ASB4: variants seen among roughly 807,000 people sequenced by gnomAD.
ASB4 encodes ankyrin repeat and SOCS box protein 4.
Under a neutral mutation model 38.6 loss-of-function variants are expected in ASB4, and 35 were observed. The ratio of observed to expected loss-of-function variants is 0.91; its 90% CI spans 0.69 to 1.20. ASB4 has a LOEUF of 1.20. Among genes scored for constraint, ASB4 ranks in the 50% most tolerant of loss-of-function variants. ASB4 has a pLI of 0.00. For synonymous variants in ASB4, 195 were observed against 201.3 expected, an observed-to-expected ratio of 0.97 and a Z score of 0.26; for missense variants, 557 against 527.2, an observed-to-expected ratio of 1.06 and a Z score of -0.55.
At chr7:95,519,227 A>G (rs1332251533) in intron 2 of ASB4, among the ~76,000 whole-genome samples, 1 of 152,242 alleles carries the variant, frequency 6.6e-6, no homozygotes, top group East Asian at 1.9e-4. Flanking sequence ...CTTTGGCGAC[A>G]GTTCATGACA....
At chr7:95,511,177 A>G (rs1445476945) in intron 2 of ASB4, among the ~76,000 whole-genome samples, 1 of 152,202 alleles carries the variant, frequency 6.6e-6, no homozygotes, top group Non-Finnish European at 1.5e-5. Flanking sequence ...TTTACTAATT[A>G]GAAAGCTAAT....
intron 3 of ASB4, among the ~76,000 whole-genome samples, chr7:95,533,255 C>T (rs1790843284): frequency 6.6e-6 from 1 of 152,132 alleles, no homozygotes; most frequent in African/African-American, 2.4e-5. Flanking sequence ...CCTAACTAAA[C>T]ATATGTAATC....
upstream of ASB4, chr7:95,485,868 G>C (rs1238020483): frequency 1.1e-6 from 1 of 927,028 alleles, no homozygotes; most frequent in African/African-American, 1.7e-5. Flanking sequence ...GCATAACTTT[G>C]GGATAAAATT....
Position 95,495,872 on chromosome 7 carries a change from T to G in ASB4, c.302T>G (p.Ile101Ser). Residue 101 changes from isoleucine to serine, a missense_variant, in exon 2 of 5, where the codon ATC (isoleucine) becomes AGC (serine). Ile to Ser is a moderately radical substitution (Grantham distance 142). Transcript: ENST00000325885. Reference protein sequence around the residue: ...LLVLLDHNATINCRPNGKTPL... With the variant: ...LLVLLDHNATSNCRPNGKTPL... ...GTGCTACTGGACCACAATGCTACAA[T>G]CAACTGTAGACCCAATGGGAAAACC... 1 of 1,613,942 alleles carries G rather than the reference T, an allele frequency of 6.2e-7. No homozygotes were observed. The highest frequency in any genetic ancestry group is 8.5e-7 in the Non-Finnish European group (1 of 1,179,984).
At chr7:95,496,099 A>C (rs1158365899) in intron 2 of ASB4, 42 bp downstream of exon 2, 1 of 1,567,018 alleles carries the variant, frequency 6.4e-7, no homozygotes. Context: ...CTGCTTGTAC[A>C]CTCATGGTTT....
At chr7:95,542,025 C>G (rs113853249), downstream of ASB4, 1 of 151,894 alleles carries the variant, frequency 6.6e-6, no homozygotes, top group East Asian at 1.9e-4. Context: ...TATGATCACA[C>G]CACTGTATTC....
the ASB4 span, among the ~76,000 whole-genome samples, chr7:95,545,898 T>A: frequency 3.3e-5 from 5 of 152,232 alleles, no homozygotes; most frequent in African/African-American, 1.2e-4. Context: ...AGGTGTCCCA[T>A]GCACTTTTGC....
exon 1 of ASB4, chr7:95,478,577 C>A (rs1427571282): frequency 1.3e-5 from 2 of 152,096 alleles, no homozygotes; most frequent in African/African-American, 4.8e-5. Context: ...TGCCAGCGAC[C>A]AAGATTCTCC....
At chr7:95,527,717 TAA>T in intron 2 of ASB4, 94 bp from the exon 3 acceptor site, 8 of 1,222,794 alleles carry the variant, frequency 6.5e-6, no homozygotes, top group Non-Finnish European at 9.0e-6. Flanking sequence ...AGTCAGAAGT[TAA>T]AAGAGAAGCA....
At chr7:95,528,524 G>A in intron 3 of ASB4, 1 of 1,428,386 alleles carries the variant, frequency 7.0e-7, no homozygotes, top group Non-Finnish European at 9.1e-7. Flanking sequence ...GAGAAAAAGA[G>A]TAGCAAATAA....
intron 2 of ASB4, among the ~76,000 whole-genome samples, chr7:95,508,851 T>A (rs1790444364): frequency 6.6e-6 from 1 of 151,788 alleles, no homozygotes; most frequent in African/African-American, 2.4e-5. Flanking sequence ...TCTGATGGAG[T>A]CCAAGAATTG....
intron 2 of ASB4, among the ~76,000 whole-genome samples, chr7:95,519,375 C>T (rs968170526): frequency 2.6e-5 from 4 of 152,140 alleles, no homozygotes; most frequent in East Asian, 1.9e-4. Flanking sequence ...CTAAATAATT[C>T]GTGCTGTGAG....
the ASB4 span, among the ~76,000 whole-genome samples, chr7:95,471,255 G>A: frequency 6.6e-6 from 1 of 152,180 alleles, no homozygotes; most frequent in Non-Finnish European, 1.5e-5. Context: ...ATGGAAAACA[G>A]AGTTGGTGTC....
At chr7:95,535,752 A>G (rs1176437151) in intron 3 of ASB4, among the ~76,000 whole-genome samples, 1 of 152,206 alleles carries the variant, frequency 6.6e-6, no homozygotes, top group African/African-American at 2.4e-5. Flanking sequence ...ATTTCATGTC[A>G]TCTTTCATTT....
In ASB4 at chr7:95,538,812, AC is replaced by A. The variant is rs1790931885; in HGVS notation, c.*1055del. On this transcript the variant is annotated 3_prime_UTR_variant, in exon 5 of 5. Transcript: ENST00000325885. ...TGGGGGAAAGAAAGTGTGTGAGGGG[AC>A]CTAGTTGATTACTTCGGTCTTTTTA... The A allele has an allele frequency of 6.6e-6, 1 of 152,134 alleles. No individual in the cohort carries two copies. Among genetic ancestry groups the A allele is most frequent in the Admixed American group, 6.6e-5 (1 of 15,252 alleles). The allele number at this position is 152,134 out of a possible 1,614,324, so 9.4% of individuals were successfully genotyped here.
At chr7:95,550,554 C>G in the ASB4 span, among the ~76,000 whole-genome samples, 1 of 152,144 alleles carries the variant, frequency 6.6e-6, no homozygotes, top group Non-Finnish European at 1.5e-5. Flanking sequence ...CTTGATCAGT[C>G]GAAAAATTAT....
At chr7:95,520,147 G>A (rs536232759) in intron 2 of ASB4, among the ~76,000 whole-genome samples, 5 of 152,188 alleles carry the variant, frequency 3.3e-5, no homozygotes, top group Non-Finnish European at 7.3e-5. Flanking sequence ...CTGAGTCAAG[G>A]AATAATTTGA....
At chr7:95,506,292 C>A (rs1790407113) in intron 2 of ASB4, among the ~76,000 whole-genome samples, 1 of 152,182 alleles carries the variant, frequency 6.6e-6, no homozygotes, top group African/African-American at 2.4e-5. Context: ...AGTCTTCAGA[C>A]CTGCTCCAAT....
chr7:95,547,131 A>T, the ASB4 span, among the ~76,000 whole-genome samples: 4 of 152,236 alleles, frequency 2.6e-5, no homozygotes, highest in South Asian at 8.3e-4. Context: ...TCAGTTTTTT[A>T]AAAGATTAAG....
Sources: allele counts gnomAD v4.1 joint callset (sites outside exome capture counted in the v4.1 genomes callset), GRCh38; gene constraint gnomAD v4.1.1; transcripts MANE v1.5; gene names NCBI Gene and HGNC (gene_info 2026-07-23, HGNC 2026-07-21).